The following CALN1 variants were observed in gnomAD, a reference collection of about 807,000 sequenced individuals.
The protein encoded by CALN1 is calcium-binding protein 8.
In CALN1, 17 loss-of-function variants were observed where a neutral mutation model predicts 30.6. The observed-to-expected ratio is 0.56, with a 90% confidence interval of 0.38 to 0.83. The LOEUF is 0.83. Ranked by LOEUF, CALN1 falls within the 40% of genes least tolerant of loss-of-function variation. CALN1 has a pLI of 0.00. For missense variants in CALN1, 291 were observed against 354.9 expected (o/e 0.82, Z 1.45); for synonymous variants, 156 against 131.4 (o/e 1.19, Z -1.28).
At chr7:72,435,610 C>T (rs549833095) in intron 1 of CALN1, among the ~76,000 whole-genome samples, 1 of 152,316 alleles carries the variant, frequency 6.6e-6, no homozygotes, top group Admixed American at 6.5e-5. Flanking sequence ...CAGCAGCGCT[C>T]TGTGAATTTG....
intron 2 of CALN1, among the ~76,000 whole-genome samples, chr7:72,292,581 G>C (rs1299337105): frequency 6.6e-6 from 1 of 151,432 alleles, no homozygotes; most frequent in Non-Finnish European, 1.5e-5. Context: ...AGCACTTTGG[G>C]AGGCCAAGGC....
chr7:72,493,401 C>T, the CALN1 span, among the ~76,000 whole-genome samples: 3 of 151,628 alleles, frequency 2.0e-5, no homozygotes. Context: ...TGCAGTGGTG[C>T]AATCTTGGCT....
chr7:72,014,196 C>T (rs898458630), intron 5 of CALN1, among the ~76,000 whole-genome samples: 2 of 151,822 alleles, frequency 1.3e-5, no homozygotes, highest in African/African-American at 4.8e-5. Context: ...CGGTGATTCC[C>T]CTGCCTCAGC....
chr7:72,236,255 G>C (rs1337270959), intron 3 of CALN1, among the ~76,000 whole-genome samples: 6 of 152,240 alleles, frequency 3.9e-5, no homozygotes, highest in Admixed American at 1.3e-4. Context: ...CATTAAGGTT[G>C]GGTATTATCA....
At chr7:72,205,376 ATT>A (rs1163478278) in intron 3 of CALN1, among the ~76,000 whole-genome samples, 1 of 149,712 alleles carries the variant, frequency 6.7e-6, no homozygotes, top group Non-Finnish European at 1.5e-5. Flanking sequence ...AATTTTTTGT[ATT>A]TTTAGTAGAG....
At chr7:72,299,380 G>C (rs1799090560) in intron 2 of CALN1, among the ~76,000 whole-genome samples, 1 of 152,042 alleles carries the variant, frequency 6.6e-6, no homozygotes, top group Admixed American at 6.6e-5. Context: ...GACTATTTAA[G>C]AGGAGAAAAA....
intron 3 of CALN1, among the ~76,000 whole-genome samples, chr7:72,200,948 T>G (rs1217549935): frequency 6.6e-6 from 1 of 152,080 alleles, no homozygotes; most frequent in Non-Finnish European, 1.5e-5. Context: ...CAAAGGAAAA[T>G]AAATCATTCT....
At chr7:72,199,918 C>T (rs1018958117) in intron 3 of CALN1, among the ~76,000 whole-genome samples, 1 of 152,096 alleles carries the variant, frequency 6.6e-6, no homozygotes, top group African/African-American at 2.4e-5. Context: ...TACTGCAGCC[C>T]AAACTATAAG....
chr7:72,467,307 G>T, the CALN1 span, among the ~76,000 whole-genome samples: 5 of 152,194 alleles, frequency 3.3e-5, no homozygotes, highest in Non-Finnish European at 5.9e-5. Context: ...ATGTCCACAC[G>T]GCAGGGGGGT....
chr7:72,132,343 G>C (rs10260183), intron 3 of CALN1, among the ~76,000 whole-genome samples: 36,190 of 151,934 alleles, frequency 0.24, 5,290 homozygotes, highest in East Asian at 0.67. Context: ...TGTAATTTCT[G>C]CAATACCGTA....
intron 2 of CALN1, among the ~76,000 whole-genome samples, chr7:72,388,531 T>A (rs1805383233): frequency 6.6e-6 from 1 of 152,194 alleles, no homozygotes; most frequent in South Asian, 2.1e-4. Context: ...CATACTTAAG[T>A]AAAATGCTAA....
At chr7:72,187,076 A>G (rs372982125) in intron 3 of CALN1, among the ~76,000 whole-genome samples, 25 of 152,210 alleles carry the variant, frequency 1.6e-4, no homozygotes, top group African/African-American at 4.1e-4. Flanking sequence ...TGGTAAAAGA[A>G]TATGATTGCT....
chr7:71,923,520 T>C (rs916595723), intron 5 of CALN1, among the ~76,000 whole-genome samples: 8 of 152,168 alleles, frequency 5.3e-5, no homozygotes, highest in Non-Finnish European at 1.2e-4. Flanking sequence ...CACTCTATTA[T>C]TCCAAATCTT....
At chr7:71,877,727 A>C (rs1281539443) in intron 5 of CALN1, among the ~76,000 whole-genome samples, 1 of 152,194 alleles carries the variant, frequency 6.6e-6, no homozygotes, top group Non-Finnish European at 1.5e-5. Context: ...TCCTAATGTT[A>C]ATATATAATT....
intron 6 of CALN1, among the ~76,000 whole-genome samples, chr7:71,792,632 T>G (rs544848697): frequency 1.8e-4 from 28 of 151,948 alleles, no homozygotes; most frequent in African/African-American, 6.5e-4. Flanking sequence ...AAAAAGGAGG[T>G]GGCATTTAAG....
Position 72,403,262 on chromosome 7 carries a change from G to T in CALN1, c.108C>A (p.Asp36Glu). Reference sequence around the variant, plus strand: ...GGAAGAAGACTTGCCAGGTGGGGAAGTCGGGGGCCTGGCTCCTCGGCGGCT... The same window carrying T: ...GGAAGAAGACTTGCCAGGTGGGGAATTCGGGGGCCTGGCTCCTCGGCGGCT... ...GEEPPRSQAPDFPTWEKMPFH... is the reference protein window; with the variant it reads ...GEEPPRSQAPEFPTWEKMPFH... The change falls in exon 2 of 7, where the codon GAC becomes GAA. Residue 36 changes from aspartate (D) to glutamate (E), a missense_variant. Physicochemically the swap from Asp to Glu is conservative, Grantham distance 45. Transcript: ENST00000395275. The T allele has an allele frequency of 6.5e-7, 1 of 1,549,592 alleles. No individual in the cohort carries two copies. The highest frequency in any genetic ancestry group is 2.4e-5 in the East Asian group (1 of 40,980).
chr7:72,329,994 A>G (rs895494064), intron 2 of CALN1, among the ~76,000 whole-genome samples: 1 of 150,854 alleles, frequency 6.6e-6, no homozygotes, highest in Non-Finnish European at 1.5e-5. Context: ...AATAAAAATA[A>G]AAATACAAAA....
chr7:71,853,869 T>A (rs1790789882), intron 5 of CALN1, among the ~76,000 whole-genome samples: 1 of 152,200 alleles, frequency 6.6e-6, no homozygotes, highest in Non-Finnish European at 1.5e-5. Flanking sequence ...AGTGAGCAAC[T>A]GCGCCCAGCC....
intron 2 of CALN1, among the ~76,000 whole-genome samples, chr7:72,395,535 T>C (rs1027730155): frequency 2.6e-5 from 4 of 152,224 alleles, no homozygotes; most frequent in African/African-American, 9.6e-5. Flanking sequence ...TTACTGACCA[T>C]GAAGCACCTT....
Sources: allele counts gnomAD v4.1 joint callset (sites outside exome capture counted in the v4.1 genomes callset), GRCh38; gene constraint gnomAD v4.1.1; transcripts MANE v1.5; gene names NCBI Gene and HGNC (gene_info 2026-07-23, HGNC 2026-07-21).